GADL1: variants seen among roughly 807,000 people sequenced by gnomAD.
GADL1 encodes the protein GAD like acidic amino acid decarboxylase 1, also known as acidic amino acid decarboxylase GADL1.
In GADL1, 71 loss-of-function variants were observed where a neutral mutation model predicts 69.5. The ratio of observed to expected loss-of-function variants is 1.02; its 90% CI spans 0.84 to 1.25. The LOEUF (loss-of-function observed/expected upper bound fraction) is 1.25, where lower values mean the gene tolerates loss of function less well. Ranked by LOEUF, GADL1 falls within the 50% of genes most tolerant of loss-of-function variation. The pLI, the probability that GADL1 is intolerant of heterozygous loss-of-function variation, is 0.00. For synonymous variants in GADL1, 254 were observed against 214.4 expected, an observed-to-expected ratio of 1.18 and a Z score of -1.62; for missense variants, 737 against 631.8, an observed-to-expected ratio of 1.17 and a Z score of -1.79.
chr3:30,887,605 T>C (rs190954507), intron 1 of GADL1, among the ~76,000 whole-genome samples: 23 of 150,448 alleles, frequency 1.5e-4, no homozygotes, highest in African/African-American at 5.3e-4. Context: ...AATAAGTTCC[T>C]ATTTTTTTTA....
At chr3:30,758,402 G>A (rs1008208264) in intron 14 of GADL1, among the ~76,000 whole-genome samples, 3 of 92,548 alleles carry the variant, frequency 3.2e-5, no homozygotes, top group Non-Finnish European at 6.5e-5. Context: ...ACTTTGCTCC[G>A]TATTGCCTTT....
At chr3:30,886,468 A>T (rs1326790569) in intron 1 of GADL1, among the ~76,000 whole-genome samples, 1 of 152,140 alleles carries the variant, frequency 6.6e-6, no homozygotes, top group Non-Finnish European at 1.5e-5. Context: ...CAAACTATGG[A>T]CACAACAAGA....
At chr3:30,729,885 C>A (rs1369061297) in intron 14 of GADL1, among the ~76,000 whole-genome samples, 1 of 152,106 alleles carries the variant, frequency 6.6e-6, no homozygotes, top group Non-Finnish European at 1.5e-5. Flanking sequence ...TCAGGAAAAT[C>A]ACATTGCCAT....
intron 1 of GADL1, among the ~76,000 whole-genome samples, chr3:30,884,762 T>G (rs1470680603): frequency 1.3e-5 from 2 of 152,124 alleles, no homozygotes; most frequent in African/African-American, 4.8e-5. Context: ...CCAGAGATTT[T>G]CATGCATATG....
chr3:30,732,788 T>C (rs1306057794), intron 14 of GADL1, among the ~76,000 whole-genome samples: 1 of 152,192 alleles, frequency 6.6e-6, no homozygotes, highest in Non-Finnish European at 1.5e-5. Flanking sequence ...TCGGGCATGG[T>C]TGCTCACGCC....
intron 11 of GADL1, among the ~76,000 whole-genome samples, chr3:30,801,993 TTATTA>T (rs2125507656): frequency 6.6e-6 from 1 of 152,292 alleles, no homozygotes; most frequent in East Asian, 1.9e-4. Flanking sequence ...ACTCTCTATT[TTATTA>T]TGATACTTGA....
intron 14 of GADL1, among the ~76,000 whole-genome samples, chr3:30,752,164 G>A (rs1575184248): frequency 6.7e-6 from 1 of 148,910 alleles, no homozygotes; most frequent in Non-Finnish European, 1.5e-5. Flanking sequence ...CAGAAGATGC[G>A]GCTCTGATGT....
intron 11 of GADL1, among the ~76,000 whole-genome samples, chr3:30,827,268 C>T (rs1697696515): frequency 6.6e-6 from 1 of 151,808 alleles, no homozygotes; most frequent in African/African-American, 2.4e-5. Context: ...TCAAGTAGCT[C>T]CCAGTGTACT....
At chr3:30,881,350 G>C (rs937307923) in intron 1 of GADL1, among the ~76,000 whole-genome samples, 8 of 151,936 alleles carry the variant, frequency 5.3e-5, no homozygotes, top group African/African-American at 1.9e-4. Context: ...AACTCTTATA[G>C]TAGATCTTAA....
chr3:30,851,099 G>A (rs1267751811), intron 4 of GADL1, among the ~76,000 whole-genome samples, 158 bp from the exon 5 acceptor site: 1 of 152,186 alleles, frequency 6.6e-6, no homozygotes, highest in African/African-American at 2.4e-5. Context: ...TACTCCATCA[G>A]TGACAGCACT....
chr3:30,790,449 A>G (rs1245924227), intron 12 of GADL1, among the ~76,000 whole-genome samples: 2 of 152,194 alleles, frequency 1.3e-5, no homozygotes, highest in East Asian at 3.9e-4. Flanking sequence ...GACTTGCTCC[A>G]TGCAGGATTA....
intron 1 of GADL1, among the ~76,000 whole-genome samples, chr3:30,884,601 T>G (rs1264257114): frequency 6.6e-6 from 1 of 152,124 alleles, no homozygotes; most frequent in Non-Finnish European, 1.5e-5. Flanking sequence ...GTTTCCATTC[T>G]GAGCAGAAAG....
rs1367208953 is a variant in GADL1 at position 30,888,745 on chromosome 3, G to C, written c.37+5833C>G. On this transcript the variant is annotated intron_variant, in intron 1 of 14. Transcript: ENST00000282538. ...CAAGTTTATCAGAGTGCCTATGAGG[G>C]AAGATATTAAAAATGAAGTAGGGCT... Among the ~76,000 whole-genome samples, 4 of 151,990 alleles carry C rather than the reference G, an allele frequency of 2.6e-5. No homozygotes were observed. The South Asian group carries it at 8.3e-4, about 32-fold the overall frequency.
chr3:30,777,583 GAGT>G (rs1378218059), intron 14 of GADL1, among the ~76,000 whole-genome samples: 6 of 152,182 alleles, frequency 3.9e-5, no homozygotes, highest in African/African-American at 1.4e-4. Context: ...GCTAGGCGAG[GAGT>G]AGATGAGACA....
At chr3:30,756,197 G>A (rs368794500) in intron 14 of GADL1, among the ~76,000 whole-genome samples, 3 of 152,098 alleles carry the variant, frequency 2.0e-5, no homozygotes, top group Non-Finnish European at 4.4e-5. Flanking sequence ...ATGTTTTTAT[G>A]GACCATGACA....
intron 14 of GADL1, among the ~76,000 whole-genome samples, chr3:30,749,475 A>G (rs536354404): frequency 1.3e-5 from 2 of 152,360 alleles, no homozygotes; most frequent in African/African-American, 4.8e-5. Flanking sequence ...TTAATCCAGC[A>G]ATGTACTGAC....
At chr3:30,888,228 G>A (rs1392319886) in intron 1 of GADL1, among the ~76,000 whole-genome samples, 2 of 152,064 alleles carry the variant, frequency 1.3e-5, no homozygotes, top group East Asian at 1.9e-4. Flanking sequence ...CAGGATGCTG[G>A]TTACTTATAG....
intron 14 of GADL1, among the ~76,000 whole-genome samples, chr3:30,774,623 G>A (rs1696491671): frequency 6.6e-6 from 1 of 151,998 alleles, no homozygotes; most frequent in African/African-American, 2.4e-5. Flanking sequence ...TCATGCTCAA[G>A]TATTTATATA....
chr3:30,839,156 C>A, intron 8 of GADL1, 43 bp from the exon 9 acceptor site: 1 of 1,286,486 alleles, frequency 7.8e-7, no homozygotes. Context: ...ACTGTCATCA[C>A]TAAATTTGTC....
Sources: gnomAD v4.1 joint callset for allele counts (sites outside exome capture counted in the v4.1 genomes callset) on GRCh38, gnomAD v4.1.1 for gene constraint, MANE v1.5 for transcripts, NCBI Gene and HGNC (gene_info 2026-07-23, HGNC 2026-07-21) for gene names.